Variants in NFASC observed in about 807,000 individuals in gnomAD.
NFASC encodes neurofascin homolog.
NFASC carries 43 observed loss-of-function variants against 147.5 expected under a neutral mutation model. That is an observed-to-expected ratio of 0.29 (90% CI 0.23 to 0.38). The LOEUF (loss-of-function observed/expected upper bound fraction) is 0.38. Among genes scored for constraint, NFASC ranks in the 10% least tolerant of loss-of-function variants. The pLI is 1.00. For synonymous variants in NFASC, 622 were observed against 665.5 expected, an observed-to-expected ratio of 0.93 and a Z score of 1.01; for missense variants, 1,320 against 1,689.0, an observed-to-expected ratio of 0.78 and a Z score of 3.83.
intron 1 of NFASC, among the ~76,000 whole-genome samples, chr1:204,848,012 T>C (rs1220536715): frequency 1.3e-5 from 2 of 152,164 alleles, no homozygotes; most frequent in Admixed American, 1.3e-4. Context: ...CTGGCTCTGC[T>C]TTTGTCTTCC....
At chr1:204,957,347 G>C (rs186295009) in intron 7 of NFASC, among the ~76,000 whole-genome samples, 1 of 152,330 alleles carries the variant, frequency 6.6e-6, no homozygotes, top group African/African-American at 2.4e-5. Context: ...CAGCCGGTGA[G>C]ATCTTTTGTG....
At chr1:204,865,128 A>G (rs1005654269) in intron 1 of NFASC, among the ~76,000 whole-genome samples, 4 of 152,138 alleles carry the variant, frequency 2.6e-5, no homozygotes, top group African/African-American at 9.7e-5. Context: ...GTGCCCCTTT[A>G]TCCATGAGGG....
intron 8 of NFASC, among the ~76,000 whole-genome samples, chr1:204,962,736 T>G (rs559943003): frequency 6.6e-6 from 1 of 152,160 alleles, no homozygotes; most frequent in Non-Finnish European, 1.5e-5. Context: ...AAGATGAGTA[T>G]AAATGAGGTG....
intron 4 of NFASC, among the ~76,000 whole-genome samples, chr1:204,951,757 C>T (rs2094141311): frequency 2.6e-5 from 4 of 152,198 alleles, no homozygotes; most frequent in African/African-American, 7.2e-5. Context: ...GCGTGAGCCA[C>T]CACGCCTGGC....
chr1:204,910,677 T>C (rs1007528109), intron 1 of NFASC, among the ~76,000 whole-genome samples: 6 of 151,912 alleles, frequency 3.9e-5, no homozygotes, highest in African/African-American at 1.5e-4. Flanking sequence ...CTTTTTAAAT[T>C]TTTTTTGTAG....
In NFASC at chr1:204,968,610, C is replaced by T; in HGVS notation, c.819-188C>T. ...TAGATGCGTTAGAATCTCGTGGGAC[C>T]TTAGCTAAGCCTTCAGGCTCTCTGT... On this transcript the variant is annotated intron_variant, in intron 9 of 29. Transcript: ENST00000339876. This position sits in a 1 kb window ranked among gnomAD's most constrained non-coding sequence, Gnocchi z 5.4. 1 of 628,878 alleles carries T rather than the reference C, an allele frequency of 1.6e-6. No homozygotes were observed. Among genetic ancestry groups the T allele is most frequent in the South Asian group, 2.0e-5 (1 of 50,014 alleles). The allele number at this position is 628,878 out of a possible 1,614,324, so 39.0% of individuals were successfully genotyped here. A position where few individuals can be genotyped will look rare whatever the true frequency, so the allele number is the denominator to read the frequency against.
Position 205,018,403 on chromosome 1 carries a change from A to G in NFASC, c.*1864A>G, listed in dbSNP as rs1419165862. The G allele has an allele frequency of 1.3e-5, 2 of 152,716 alleles. No homozygotes were observed. The highest frequency in any genetic ancestry group is 2.9e-5 in the Non-Finnish European group (2 of 68,058). 9.5% of individuals were successfully genotyped at this position (152,716 alleles called of 1,614,324 possible). A position where few individuals can be genotyped will look rare whatever the true frequency, so the allele number is the denominator to read the frequency against. Reference sequence around the variant, plus strand: ...AGCAATGCTTGCATCATTAATAATCATTCAGTTGAAGGTCAAGCCCATAGA... The same window carrying G: ...AGCAATGCTTGCATCATTAATAATCGTTCAGTTGAAGGTCAAGCCCATAGA... On this transcript the variant is annotated 3_prime_UTR_variant, in exon 30 of 30. Transcript: ENST00000339876.
intron 1 of NFASC, among the ~76,000 whole-genome samples, chr1:204,886,282 C>T (rs556181261): frequency 1.9e-4 from 29 of 152,282 alleles, no homozygotes; most frequent in African/African-American, 6.0e-4. Context: ...GGACAGCACT[C>T]ATTTGGACTT....
In NFASC at chr1:204,988,785, T is replaced by C. The variant is rs2095663961; in HGVS notation, c.2746T>C (p.Ser916Pro). Residue 916 changes from serine (S) to proline (P), a missense_variant, in exon 23 of 30, where the codon TCA (serine) becomes CCA (proline). Ser to Pro is a moderately conservative substitution (Grantham distance 74). Transcript: ENST00000339876. ...VGSGEAVTEE[S>P]PAPPNEATPT... ...CTCTGGGGAAGCCGTCACAGAGGAG[T>C]CACCAGCACCCCCGAATGAAGGTAG... 3.7e-6 allele frequency: 6 copies of C among 1,613,476 alleles called. No homozygotes were observed. The highest frequency in any genetic ancestry group is 5.1e-6 in the Non-Finnish European group (6 of 1,179,898).
intron 21 of NFASC, chr1:204,984,115 G>A (rs745568696): frequency 6.8e-6 from 11 of 1,613,836 alleles, no homozygotes; most frequent in East Asian, 2.2e-5. Flanking sequence ...ACTCCGACAC[G>A]GTCCAGGGCC....
intron 1 of NFASC, among the ~76,000 whole-genome samples, chr1:204,886,412 G>T (rs1021400322): frequency 5.9e-5 from 9 of 151,730 alleles, no homozygotes; most frequent in Admixed American, 2.6e-4. Flanking sequence ...TATGTGTCTG[G>T]CTGTTTATGC....
chr1:204,858,540 G>T (rs2076367975), intron 1 of NFASC, among the ~76,000 whole-genome samples: 2 of 152,126 alleles, frequency 1.3e-5, no homozygotes, highest in Admixed American at 1.3e-4. Flanking sequence ...GGGAGAAGCA[G>T]TGTCCATGAT....
In NFASC at chr1:204,997,223, A is replaced by T; in HGVS notation, c.2836A>T (p.Thr946Ser). The T allele has an allele frequency of 6.2e-7, 1 of 1,613,740 alleles. No homozygotes were observed. ...GGGTGCGACGGGCGCTGTGAGCAGT[A>T]CCGATGCTACTGCCATTGCTGCCAC... ...TVGATGAVSS[T>S]DATAIAATTE... The change falls in exon 25 of 30, where the codon ACC becomes TCC. Residue 946 changes from threonine (T) to serine (S), a missense_variant. Thr to Ser is a moderately conservative substitution (Grantham distance 58, BLOSUM62 1). Around this residue, in one of 3 missense-constraint regions of NFASC, gnomAD observed 172 missense variants for 165.8 expected, o/e 1.04. Coordinates refer to ENST00000339876, the MANE Select transcript of NFASC (RefSeq NM_001005388.3).
chr1:204,928,903 C>G (rs1278660250), intron 2 of NFASC, among the ~76,000 whole-genome samples: 1 of 152,048 alleles, frequency 6.6e-6, no homozygotes, highest in Non-Finnish European at 1.5e-5. Context: ...CCCTAGAGAG[C>G]CTGGTGTGAA....
chr1:204,982,635 T>C (rs2095531647), intron 21 of NFASC, among the ~76,000 whole-genome samples: 1 of 152,160 alleles, frequency 6.6e-6, no homozygotes, highest in African/African-American at 2.4e-5. Context: ...ACAACAAGAT[T>C]CTGGTCATAT....
chr1:204,995,900 T>C (rs1232497305), intron 24 of NFASC, among the ~76,000 whole-genome samples: 1 of 152,122 alleles, frequency 6.6e-6, no homozygotes, highest in Non-Finnish European at 1.5e-5. Context: ...GTAGGATTCC[T>C]TGGGAGTGAG....
At position 204,877,443 on chromosome 1, in the gene NFASC, TTGG is replaced by T. The variant is rs1014316785; in HGVS notation, c.-199-43187_-199-43185del. ...ACTGCAAAATGGAACAGGCAGGCAGTTGGTTGAAATCGGGGGTGGATCAAGTCT... is the reference window on the plus strand; with the variant it reads ...ACTGCAAAATGGAACAGGCAGGCAGTTTGAAATCGGGGGTGGATCAAGTCT... On this transcript the variant is annotated intron_variant, in intron 1 of 29. Transcript: ENST00000339876. Among the ~76,000 whole-genome samples the T allele has an allele frequency of 2.5e-4, 38 of 152,082 alleles. 1 individual carries two copies. The highest frequency in any genetic ancestry group is 9.2e-4 in the African/African-American group (38 of 41,484).
chr1:204,952,165 G>T, intron 5 of NFASC, 49 bp downstream of exon 5: 1 of 1,419,892 alleles, frequency 7.0e-7, no homozygotes, highest in South Asian at 1.2e-5. Flanking sequence ...CTTGCCTCTG[G>T]GCCTGATGAT....
At chr1:204,944,453 AGAGGGGTGG>A in intron 3 of NFASC, 47 bp downstream of exon 3, 1 of 488,806 alleles carries the variant, frequency 2.0e-6, no homozygotes, top group Non-Finnish European at 3.8e-6. Flanking sequence ...GATTTTGGGC[AGAGGGGTGG>A]GAGGGGAGGG....
Sources: allele counts gnomAD v4.1 joint callset (sites outside exome capture counted in the v4.1 genomes callset), GRCh38; gene constraint gnomAD v4.1.1; regional missense constraint gnomAD v4.1.1; non-coding constraint Gnocchi (gnomAD v3.1); transcripts MANE v1.5; gene names NCBI Gene and HGNC (gene_info 2026-07-23, HGNC 2026-07-21).